USP34: variants seen among roughly 807,000 people sequenced by gnomAD.
The protein encoded by USP34 is ubiquitin carboxyl-terminal hydrolase 34.
A neutral mutation model predicts 460.3 loss-of-function variants in USP34; 70 were observed. The observed-to-expected ratio is 0.15, with a 90% CI of 0.13 to 0.19. The LOEUF (loss-of-function observed/expected upper bound fraction) is 0.19, where lower values mean the gene tolerates loss of function less well. Ranked by LOEUF, USP34 falls within the 10% of genes least tolerant of loss-of-function variation. The pLI, the probability that USP34 is intolerant of heterozygous loss-of-function variation, is 1.00. For synonymous variants in USP34, 1,647 were observed against 1,405.3 expected (o/e 1.17, Z -3.85); for missense variants, 3,985 against 4,236.2 (o/e 0.94, Z 1.65).
At chr2:61,345,003 T>A (rs1691720662) in intron 15 of USP34, among the ~76,000 whole-genome samples, 1 of 152,198 alleles carries the variant, frequency 6.6e-6, no homozygotes, top group South Asian at 2.1e-4. Flanking sequence ...CTGGGCATGG[T>A]GGCTCACACC....
intron 57 of USP34, among the ~76,000 whole-genome samples, chr2:61,235,325 T>C (rs1178878822): frequency 2.2e-5 from 2 of 89,198 alleles, no homozygotes; most frequent in African/African-American, 9.2e-5. Context: ...AAAATTTTTT[T>C]TTCTTTTTTT....
intron 20 of USP34, among the ~76,000 whole-genome samples, chr2:61,328,640 T>C (rs1691170516): frequency 6.6e-6 from 1 of 152,186 alleles, no homozygotes; most frequent in African/African-American, 2.4e-5. Context: ...TATTCTAGTA[T>C]ACCCTAAAAA....
intron 48 of USP34, among the ~76,000 whole-genome samples, chr2:61,254,654 T>C (rs988912819): frequency 1.1e-4 from 16 of 152,258 alleles, no homozygotes; most frequent in African/African-American, 3.4e-4. Context: ...TGCCATTTTA[T>C]GGCTCTTAAG....
At chr2:61,247,435 T>A (rs945527449) in intron 49 of USP34, among the ~76,000 whole-genome samples, 1 of 152,216 alleles carries the variant, frequency 6.6e-6, no homozygotes, top group Non-Finnish European at 1.5e-5. Flanking sequence ...AATTCCTTTA[T>A]CCTGGCATAA....
intron 43 of USP34, among the ~76,000 whole-genome samples, chr2:61,263,095 G>A (rs1032130676): frequency 2.7e-5 from 4 of 150,432 alleles, no homozygotes; most frequent in Non-Finnish European, 5.9e-5. Flanking sequence ...TGCAACCTCC[G>A]CCTCCCAGGT....
At chr2:61,428,165 C>CAA (rs376451824) in intron 1 of USP34, among the ~76,000 whole-genome samples, 12 of 66,220 alleles carry the variant, frequency 1.8e-4, no homozygotes, top group East Asian at 3.3e-4. Flanking sequence ...AACTCCGTCA[C>CAA]AAAAAAAAAA....
intron 8 of USP34, among the ~76,000 whole-genome samples, chr2:61,373,717 CAG>C (rs1692701790): frequency 6.6e-6 from 1 of 152,176 alleles, no homozygotes; most frequent in Non-Finnish European, 1.5e-5. Flanking sequence ...TTATATTCTA[CAG>C]AGTCACTGCA....
intron 65 of USP34, 142 bp downstream of exon 65, chr2:61,222,477 C>T: frequency 1.7e-6 from 1 of 599,626 alleles, no homozygotes; most frequent in Non-Finnish European, 2.9e-6. Flanking sequence ...TCATTTTATT[C>T]ACATTATACA....
chr2:61,310,624 A>G lies in USP34; in HGVS notation c.3817+916T>C, dbSNP rs1432671224. On this transcript the variant is annotated intron_variant, in intron 27 of 79. Transcript: ENST00000398571. ...AAGAGATAAGAAACATATATATTAA[A>G]TATCAGATATATACCTATAAAAGAT... 2.0e-5 allele frequency among the ~76,000 whole-genome samples: 3 copies of G among 150,588 alleles called. No homozygotes were observed. The South Asian group carries it at 6.2e-4, about 31-fold the overall frequency.
intron 1 of USP34, among the ~76,000 whole-genome samples, chr2:61,421,682 G>A (rs1324176181): frequency 6.6e-6 from 1 of 152,178 alleles, no homozygotes; most frequent in East Asian, 1.9e-4. Flanking sequence ...ACATTAACGT[G>A]AGGAGGGGAA....
chr2:61,431,580 G>A (rs954575941), intron 1 of USP34, among the ~76,000 whole-genome samples: 2 of 152,186 alleles, frequency 1.3e-5, no homozygotes, highest in African/African-American at 2.4e-5. Context: ...GGCTGGCCGG[G>A]CGTGGTGGCT....
rs184828555 is a variant in USP34 at position 61,382,858 on chromosome 2, T to C, written c.821+411A>G. Among the ~76,000 whole-genome samples, 43 of 152,350 alleles carry C rather than the reference T, an allele frequency of 2.8e-4. No individual in the cohort carries two copies. The Middle Eastern group carries it at 0.01, about 36-fold the overall frequency. On this transcript the variant is annotated intron_variant, in intron 6 of 79. Transcript: ENST00000398571. ...GCCACCTTTGCTGCTATTTATCCTA[T>C]AATACTTATCACTTTCTGATGTAGT... is the stretch of plus-strand genomic sequence containing the variant.
At chr2:61,196,739 C>T (rs1317852651) in intron 75 of USP34, among the ~76,000 whole-genome samples, 4 of 151,950 alleles carry the variant, frequency 2.6e-5, no homozygotes, top group Non-Finnish European at 4.4e-5. Flanking sequence ...TGCCGTGTTG[C>T]CCAGTCTGGT....
In USP34 at chr2:61,326,780, T is replaced by C. The variant is rs1305031361; in HGVS notation, c.2931-1323A>G. On this transcript the variant is annotated intron_variant, in intron 20 of 79. Coordinates refer to ENST00000398571, the MANE Select transcript of USP34 (RefSeq NM_014709.4). ...AGCATGCAGAAGGTCAATGGGCATT[T>C]TTTTTTTTTTTTTTTTTTTTGCCGA... is the stretch of plus-strand genomic sequence containing the variant. 2.9e-4 allele frequency among the ~76,000 whole-genome samples: 13 copies of C among 44,680 alleles called. No individual in the cohort carries two copies. In the East Asian group the frequency reaches 0.013, roughly 44 times the overall value. The allele number at this position is 44,680 out of a possible 152,430, so 29.3% of individuals were successfully genotyped here.
At chr2:61,437,295 G>GA (rs970942482) in intron 1 of USP34, among the ~76,000 whole-genome samples, 47 of 151,776 alleles carry the variant, frequency 3.1e-4, no homozygotes, top group Admixed American at 2.6e-3. Flanking sequence ...CTAGACTAAG[G>GA]AAAAAAGAGA....
chr2:61,273,788 CAAACA>C (rs1362752417), intron 41 of USP34, among the ~76,000 whole-genome samples: 2 of 151,616 alleles, frequency 1.3e-5, no homozygotes, highest in East Asian at 3.9e-4. Context: ...GGTGAATGAA[CAAACA>C]AATCAATAAG....
chr2:61,423,642 C>T (rs1475877683), intron 1 of USP34, among the ~76,000 whole-genome samples: 1 of 152,126 alleles, frequency 6.6e-6, no homozygotes, highest in Non-Finnish European at 1.5e-5. Context: ...GAATTAAAAG[C>T]AATCACTATC....
At position 61,352,705 on chromosome 2, in the gene USP34, CA is replaced by C. The variant is rs199607975; in HGVS notation, c.1252-2013del. ...TAAAAAAAAAAAAAACCCACTCTTT[CA>C]AATGTGTACATTATTTAATTCCACA... On this transcript the variant is annotated intron_variant, in intron 10 of 79. Transcript: ENST00000398571. Among the ~76,000 whole-genome samples the C allele has an allele frequency of 7.5e-4, 112 of 148,844 alleles. 1 individual carries two copies. In the East Asian group the frequency reaches 0.02, roughly 26 times the overall value.
At chr2:61,288,005 A>G (rs1689739155) in intron 34 of USP34, among the ~76,000 whole-genome samples, 1 of 152,224 alleles carries the variant, frequency 6.6e-6, no homozygotes, top group Non-Finnish European at 1.5e-5. Flanking sequence ...AGTCTAGGAT[A>G]CTTGAGAGAC....
Sources: allele counts gnomAD v4.1 joint callset (sites outside exome capture counted in the v4.1 genomes callset), GRCh38; gene constraint gnomAD v4.1.1; transcripts MANE v1.5; gene names NCBI Gene and HGNC (gene_info 2026-07-23, HGNC 2026-07-21).